Variants in XYLB observed in about 807,000 individuals in gnomAD.
XYLB encodes the protein xylulose kinase.
XYLB carries 62 observed loss-of-function variants against 78.7 expected under a neutral mutation model. The observed-to-expected ratio is 0.79, with a 90% CI of 0.64 to 0.97. The LOEUF is 0.97. Ranked by LOEUF, XYLB falls within the 50% of genes least tolerant of loss-of-function variation. XYLB has a pLI of 0.00. For missense variants in XYLB, 687 were observed against 676.8 expected, an observed-to-expected ratio of 1.02 and a Z score of -0.17; for synonymous variants, 245 against 247.4, an observed-to-expected ratio of 0.99 and a Z score of 0.09.
Position 38,376,868 on chromosome 3 carries a change from C to G in XYLB, c.1121-50C>G. 3 of 1,537,362 alleles carry G rather than the reference C, an allele frequency of 2.0e-6. No homozygotes were observed. The South Asian group carries it at 3.4e-5, about 17-fold the overall frequency. The stretch of plus-strand genomic sequence containing the variant: ...GTTCTAAGTCTGTTAAGAAGCTGAT[C>G]TTTTGTTTTTTGACTAATGACGGCT... On this transcript the variant is annotated intron_variant, in intron 13 of 18. Coordinates refer to ENST00000207870, the MANE Select transcript of XYLB (RefSeq NM_005108.4).
chr3:38,419,044 A>G (rs972915140), downstream of XYLB, among the ~76,000 whole-genome samples: 1 of 151,590 alleles, frequency 6.6e-6, no homozygotes, highest in Admixed American at 6.6e-5. Flanking sequence ...CTAAACAATA[A>G]CTCCTATTTT....
chr3:38,444,341 C>G, the XYLB span, among the ~76,000 whole-genome samples: 1 of 152,090 alleles, frequency 6.6e-6, no homozygotes, highest in Admixed American at 6.6e-5. Flanking sequence ...TTGGAGATTT[C>G]TTTGCTTGTT....
At chr3:38,397,746 T>C (rs1707937551) in intron 17 of XYLB, among the ~76,000 whole-genome samples, 1 of 152,110 alleles carries the variant, frequency 6.6e-6, no homozygotes, top group Non-Finnish European at 1.5e-5. Flanking sequence ...AGGGAGCTCC[T>C]GTAGCAGCCC....
chr3:38,349,153 G>A (rs1236198342), intron 2 of XYLB, among the ~76,000 whole-genome samples: 1 of 152,254 alleles, frequency 6.6e-6, no homozygotes, highest in Non-Finnish European at 1.5e-5. Flanking sequence ...TTGGCCAGGT[G>A]ATGGAAGAGC....
chr3:38,349,527 G>A (rs1490674699), intron 2 of XYLB, among the ~76,000 whole-genome samples: 66 of 152,202 alleles, frequency 4.3e-4, no homozygotes, highest in Non-Finnish European at 5.9e-5. Context: ...GGAGAGAGCT[G>A]AGTAGTAAAA....
At chr3:38,418,020 C>T (rs1427075794), downstream of XYLB, among the ~76,000 whole-genome samples, 2 of 151,356 alleles carry the variant, frequency 1.3e-5, no homozygotes, top group South Asian at 2.1e-4. Context: ...GGTGAAACCC[C>T]GTCTCTACTA....
chr3:38,368,033 G>A (rs1026187922), intron 7 of XYLB, 152 bp from the exon 8 acceptor site: 5 of 691,928 alleles, frequency 7.2e-6, no homozygotes, highest in Non-Finnish European at 1.3e-5. Flanking sequence ...GCTCCTATCT[G>A]AGATGCACAG....
At chr3:38,439,590 G>A in the XYLB span, among the ~76,000 whole-genome samples, 2 of 152,188 alleles carry the variant, frequency 1.3e-5, no homozygotes, top group South Asian at 4.2e-4. Flanking sequence ...GTGAAACCCT[G>A]TCTCTACTAA....
chr3:38,375,747 T>C (rs1206266551), intron 12 of XYLB, among the ~76,000 whole-genome samples: 2 of 152,086 alleles, frequency 1.3e-5, no homozygotes, highest in Non-Finnish European at 2.9e-5. Context: ...AGGGAAATGG[T>C]TTCTGAGCTC....
intron 2 of XYLB, 29 bp from the exon 3 acceptor site, chr3:38,360,310 C>G: frequency 3.1e-6 from 5 of 1,607,224 alleles, no homozygotes; most frequent in Non-Finnish European, 4.3e-6. Context: ...CCCTGAGGCT[C>G]TGGTCTACAT....
At chr3:38,376,865 G>A (rs914715494) in intron 13 of XYLB, 53 bp from the exon 14 acceptor site, 5 of 1,521,378 alleles carry the variant, frequency 3.3e-6, no homozygotes, top group East Asian at 2.3e-5. Context: ...TTAAGAAGCT[G>A]ATCTTTTGTT....
intron 15 of XYLB, among the ~76,000 whole-genome samples, chr3:38,384,619 A>G (rs939458278): frequency 1.3e-5 from 2 of 152,240 alleles, no homozygotes; most frequent in Admixed American, 1.3e-4. Context: ...TTTTTATCAC[A>G]AAAGATTCAT....
chr3:38,403,735 C>T (rs1002675), intron 18 of XYLB, among the ~76,000 whole-genome samples: 69,212 of 151,858 alleles, frequency 0.46, 17,033 homozygotes, highest in Non-Finnish European at 0.56. Context: ...AGGAAGATAA[C>T]TGGGGAAAGT....
intron 18 of XYLB, among the ~76,000 whole-genome samples, chr3:38,410,855 G>A (rs566272004): frequency 0.026 from 3,980 of 151,730 alleles, 135 homozygotes; most frequent in African/African-American, 0.09. Flanking sequence ...CAGTTAGAAT[G>A]GCAATCATTA....
intron 7 of XYLB, 46 bp from the exon 8 acceptor site, chr3:38,368,139 G>C (rs781175462): frequency 4.5e-6 from 7 of 1,567,682 alleles, no homozygotes; most frequent in Non-Finnish European, 5.3e-6. Flanking sequence ...CAGTAGCGTA[G>C]GGTATGTGGA....
the XYLB span, among the ~76,000 whole-genome samples, chr3:38,440,005 T>C: frequency 1.2e-4 from 19 of 152,164 alleles, no homozygotes. Context: ...TTATTTCTTG[T>C]AAACTGTCTG....
intron 1 of XYLB, among the ~76,000 whole-genome samples, chr3:38,348,103 C>T (rs1308838629): frequency 2.6e-5 from 4 of 152,240 alleles, no homozygotes; most frequent in African/African-American, 9.6e-5. Context: ...CTCTGGACCA[C>T]AATCATGGCC....
downstream of XYLB, among the ~76,000 whole-genome samples, chr3:38,415,915 CCTT>C (rs1708774530): frequency 6.6e-6 from 1 of 152,112 alleles, no homozygotes; most frequent in African/African-American, 2.4e-5. Context: ...GAAGAAAGGA[CCTT>C]CTTCACATGG....
intron 15 of XYLB, among the ~76,000 whole-genome samples, chr3:38,394,153 A>C (rs1438398013): frequency 1.2e-4 from 19 of 152,328 alleles, no homozygotes; most frequent in Non-Finnish European, 1.0e-4. Flanking sequence ...ATATTCATTC[A>C]AGACCATGGA....
Sources: gnomAD v4.1 joint callset for allele counts (sites outside exome capture counted in the v4.1 genomes callset) on GRCh38, gnomAD v4.1.1 for gene constraint, MANE v1.5 for transcripts, NCBI Gene and HGNC (gene_info 2026-07-23, HGNC 2026-07-21) for gene names.